ADGRD1: variants seen among roughly 807,000 people sequenced by gnomAD.
ADGRD1 encodes the protein G-protein coupled receptor 133.
In ADGRD1, 77 loss-of-function variants were observed where a neutral mutation model predicts 113.4. That is an observed-to-expected ratio of 0.68 (90% CI 0.57 to 0.82). The LOEUF is 0.82. Among genes scored for constraint, ADGRD1 ranks in the 40% least tolerant of loss-of-function variants. The pLI is 0.00. For synonymous variants in ADGRD1, 474 were observed against 475.0 expected (o/e 1.00, Z 0.03); for missense variants, 1,036 against 1,139.1 (o/e 0.91, Z 1.30).
chr12:131,100,628 C>T (rs1240953847), intron 15 of ADGRD1, among the ~76,000 whole-genome samples: 5 of 152,070 alleles, frequency 3.3e-5, no homozygotes, highest in Admixed American at 6.5e-5. Flanking sequence ...GGTTGGTTGG[C>T]GATAAGGTTG....
chr12:131,083,837 T>G (rs1025170260), intron 14 of ADGRD1, among the ~76,000 whole-genome samples: 1 of 151,012 alleles, frequency 6.6e-6, no homozygotes, highest in African/African-American at 2.4e-5. Context: ...CCTTTACGTC[T>G]CATCCTGATC....
At chr12:131,101,986 T>A (rs1950099300) in intron 15 of ADGRD1, among the ~76,000 whole-genome samples, 1 of 152,178 alleles carries the variant, frequency 6.6e-6, no homozygotes, top group African/African-American at 2.4e-5. Context: ...CCCTTCCTCC[T>A]CCAAAGAGTT....
chr12:131,099,065 C>T (rs532381911), intron 15 of ADGRD1, among the ~76,000 whole-genome samples: 1 of 152,264 alleles, frequency 6.6e-6, no homozygotes, highest in Non-Finnish European at 1.5e-5. Flanking sequence ...AACCACTCTT[C>T]TGTGATTCTC....
chr12:131,111,423 G>A (rs929893613), intron 18 of ADGRD1, among the ~76,000 whole-genome samples: 1 of 152,164 alleles, frequency 6.6e-6, no homozygotes, highest in Admixed American at 6.5e-5. Flanking sequence ...CTTCTTAGAT[G>A]TGTAGATTAA....
At chr12:131,023,310 G>C (rs1227527122) in intron 13 of ADGRD1, 1 of 152,148 alleles carries the variant, frequency 6.6e-6, no homozygotes, top group Non-Finnish European at 1.5e-5. Context: ...GTCCCCCACA[G>C]GTTGGTTGAT....
chr12:131,031,261 G>T (rs922173133), intron 13 of ADGRD1, among the ~76,000 whole-genome samples: 1 of 152,154 alleles, frequency 6.6e-6, no homozygotes, highest in Non-Finnish European at 1.5e-5. Context: ...TCACGTCTGG[G>T]GCAGCCTTGG....
chr12:131,027,655 G>T lies in ADGRD1; in HGVS notation c.1473+13315G>T, dbSNP rs1399279881. ...GATCTGTGTTTATTTACTGAGGGGA[G>T]CAGGTAGAATTGTAGAGTCACAGAG... is the stretch of plus-strand genomic sequence containing the variant. On this transcript the variant is annotated intron_variant, in intron 13 of 24. Transcript: ENST00000261654. The surrounding 1 kb of genome is among the most constrained non-coding windows in gnomAD (Gnocchi z 5.1). 2.0e-5 allele frequency: 3 copies of T among 152,086 alleles called. No individual in the cohort carries two copies. The highest frequency in any genetic ancestry group is 7.2e-5 in the African/African-American group (3 of 41,382). 9.4% of individuals were successfully genotyped at this position (152,086 alleles called of 1,614,324 possible).
At chr12:131,007,305 G>C (rs1877252624) in intron 12 of ADGRD1, among the ~76,000 whole-genome samples, 1 of 152,232 alleles carries the variant, frequency 6.6e-6, no homozygotes, top group African/African-American at 2.4e-5. Flanking sequence ...ACAGGGTGAA[G>C]GCAGCCAGAG....
intron 21 of ADGRD1, 37 bp from the exon 22 acceptor site, chr12:131,136,000 C>T: frequency 4.3e-6 from 7 of 1,612,776 alleles, no homozygotes; most frequent in Non-Finnish European, 5.9e-6. Flanking sequence ...CACCTGCCCT[C>T]CTGCCACTCA....
chr12:131,119,935 T>G (rs2137410391), intron 19 of ADGRD1, among the ~76,000 whole-genome samples: 1 of 152,298 alleles, frequency 6.6e-6, no homozygotes, highest in East Asian at 1.9e-4. Flanking sequence ...GGCAGTGTGC[T>G]GACAGTGATC....
chr12:130,975,507 T>C (rs1243846136), intron 4 of ADGRD1, among the ~76,000 whole-genome samples: 5 of 152,182 alleles, frequency 3.3e-5, no homozygotes, highest in African/African-American at 9.7e-5. Context: ...TTCCCCTACA[T>C]TGAACCTATA....
At position 130,992,403 on chromosome 12, in the gene ADGRD1, T is replaced by C. The variant is rs1874533226; in HGVS notation, c.966+11T>C. ...TTGAATCTCACCAAGGTAAGGCTAT[T>C]TGATGTCTGTGTCTGGTGGACCGGG... On this transcript the variant is annotated intron_variant, in intron 8 of 24. Transcript: ENST00000261654. The C allele has an allele frequency of 1.9e-6, 3 of 1,609,120 alleles. No individual in the cohort carries two copies. Among genetic ancestry groups the C allele is most frequent in the African/African-American group, 2.7e-5 (2 of 74,826 alleles).
chr12:131,072,099 G>C (rs1015685278), intron 13 of ADGRD1, among the ~76,000 whole-genome samples: 3 of 150,974 alleles, frequency 2.0e-5, no homozygotes, highest in Non-Finnish European at 4.4e-5. Flanking sequence ...AAACAGCAAT[G>C]CAGTTTCCTC....
intron 13 of ADGRD1, among the ~76,000 whole-genome samples, chr12:131,051,126 A>G (rs1883346128): frequency 2.6e-5 from 4 of 152,224 alleles, no homozygotes; most frequent in Admixed American, 2.6e-4. Context: ...GGGGACACAG[A>G]TCTGAACCAC....
chr12:131,118,425 C>T lies in ADGRD1; in HGVS notation c.2082C>T (p.Ala694=). Residue 694 remains alanine (A), a synonymous_variant, in exon 19 of 25, where the codon GCC becomes GCT. Transcript: ENST00000261654. ...LLICIISLSF[A]MDSYGTSNNC... ...TCTGCATCATTTCACTGTCATTTGC[C>T]ATGGACAGTTACGGAACAAGCAACA... 2.5e-6 allele frequency: 4 copies of T among 1,612,120 alleles called. No individual in the cohort carries two copies. Among genetic ancestry groups the T allele is most frequent in the Non-Finnish European group, 3.4e-6 (4 of 1,179,284 alleles).
chr12:130,976,159 G>A (rs1309352550), intron 4 of ADGRD1, among the ~76,000 whole-genome samples: 3 of 152,178 alleles, frequency 2.0e-5, no homozygotes. Context: ...ATACTTGCAG[G>A]TGGAGTTTTA....
intron 2 of ADGRD1, chr12:130,957,513 C>T (rs1408401332): frequency 6.6e-6 from 1 of 152,362 alleles, no homozygotes; most frequent in Non-Finnish European, 1.5e-5. Flanking sequence ...CACATTCACA[C>T]ACATCCCACA....
At chr12:130,996,643 T>A (rs1441166595) in intron 8 of ADGRD1, among the ~76,000 whole-genome samples, 2 of 97,744 alleles carry the variant, frequency 2.0e-5, no homozygotes, top group Non-Finnish European at 4.3e-5. Flanking sequence ...ACGAGGCGGC[T>A]GGCCGGGCGG....
At chr12:131,048,456 G>A (rs2137030192) in intron 13 of ADGRD1, among the ~76,000 whole-genome samples, 1 of 152,302 alleles carries the variant, frequency 6.6e-6, no homozygotes, top group Non-Finnish European at 1.5e-5. Context: ...GATGTGCAGA[G>A]GGGCCTGCCC....
Sources: gnomAD v4.1 joint callset for allele counts (sites outside exome capture counted in the v4.1 genomes callset) on GRCh38, gnomAD v4.1.1 for gene constraint, Gnocchi (gnomAD v3.1) non-coding constraint, MANE v1.5 for transcripts, NCBI Gene and HGNC (gene_info 2026-07-23, HGNC 2026-07-21) for gene names.